Variants in ZC3H12D observed in about 807,000 individuals in gnomAD.
The protein encoded by ZC3H12D is zinc finger CCCH-type containing 12D.
Under a neutral mutation model 24.2 loss-of-function variants are expected in ZC3H12D, and 11 were observed. That is an observed-to-expected ratio of 0.46 (90% CI 0.29 to 0.75). ZC3H12D has a LOEUF of 0.75. Ranked by LOEUF, ZC3H12D falls within the 30% of genes least tolerant of loss-of-function variation. ZC3H12D has a pLI of 0.11. For synonymous variants in ZC3H12D, 333 were observed against 341.8 expected (o/e 0.97, Z 0.28); for missense variants, 740 against 767.7 (o/e 0.96, Z 0.43).
At chr6:149,463,895 C>T (rs116323976) in intron 2 of ZC3H12D, among the ~76,000 whole-genome samples, 44 of 152,274 alleles carry the variant, frequency 2.9e-4, no homozygotes, top group African/African-American at 9.9e-4. Context: ...TTCACTGACA[C>T]CAGGAATTCT....
chr6:149,463,632 C>T (rs1259259194), intron 2 of ZC3H12D, among the ~76,000 whole-genome samples: 1 of 152,196 alleles, frequency 6.6e-6, no homozygotes, highest in Non-Finnish European at 1.5e-5. Flanking sequence ...TTGCTCGAAC[C>T]TGGGAGGCGG....
chr6:149,461,734 T>C (rs1441402989), intron 3 of ZC3H12D, 97 bp downstream of exon 3: 1 of 1,344,128 alleles, frequency 7.4e-7, no homozygotes, highest in Admixed American at 2.4e-5. Flanking sequence ...CAAATATCAT[T>C]AAACAAACAA....
chr6:149,456,539 C>T lies in ZC3H12D; in HGVS notation c.680+127G>A. On this transcript the variant is annotated intron_variant, in intron 4 of 5. Coordinates refer to ENST00000409806, the MANE Select transcript of ZC3H12D (RefSeq NM_207360.3). This position sits in a 1 kb window ranked among gnomAD's most constrained non-coding sequence, Gnocchi z 4.3. ...CCGAGAATGCGGACCTGGGGGAGCT[C>T]TGTCTGAGGGGCTGGGTGACCGGGT... 1.3e-6 allele frequency: 1 copy of T among 787,028 alleles called. No homozygotes were observed. Among genetic ancestry groups the T allele is most frequent in the South Asian group, 1.7e-5 (1 of 57,714 alleles). The allele number at this position is 787,028 out of a possible 1,614,324, so 48.8% of individuals were successfully genotyped here. A position where few individuals can be genotyped will look rare whatever the true frequency, so the allele number is the denominator to read the frequency against.
intron 2 of ZC3H12D, among the ~76,000 whole-genome samples, chr6:149,467,662 C>A (rs1776182864): frequency 6.6e-6 from 1 of 152,162 alleles, no homozygotes. Flanking sequence ...ACCTTGTCCC[C>A]ATTTTACCCT....
chr6:149,468,170 G>A (rs190453645), intron 2 of ZC3H12D, among the ~76,000 whole-genome samples: 2,585 of 152,192 alleles, frequency 0.017, 29 homozygotes, highest in Non-Finnish European at 0.027. Context: ...TAGTAGAGAC[G>A]GGGTTTCTCC....
At chr6:149,469,667 C>T (rs1214988894) in intron 2 of ZC3H12D, among the ~76,000 whole-genome samples, 1 of 152,190 alleles carries the variant, frequency 6.6e-6, no homozygotes, top group East Asian at 1.9e-4. Context: ...CGGAAACACA[C>T]ACACAGCCCT....
chr6:149,458,364 A>G (rs1583185678), intron 3 of ZC3H12D, among the ~76,000 whole-genome samples: 1 of 151,580 alleles, frequency 6.6e-6, no homozygotes, highest in East Asian at 1.9e-4. Context: ...TCAAACTTCT[A>G]GACTCAAGCA....
At chr6:149,457,881 G>A (rs1023491143) in intron 3 of ZC3H12D, among the ~76,000 whole-genome samples, 1 of 152,038 alleles carries the variant, frequency 6.6e-6, no homozygotes, top group African/African-American at 2.4e-5. Context: ...CGTGCATAAT[G>A]CAGCTATGGT....
chr6:149,483,558 C>A (rs1776456403), intron 1 of ZC3H12D, among the ~76,000 whole-genome samples: 1 of 152,180 alleles, frequency 6.6e-6, no homozygotes, highest in Admixed American at 6.5e-5. Context: ...TTCTAGGCAG[C>A]TCTTAGGAGT....
At position 149,456,918 on chromosome 6, in the gene ZC3H12D, G is replaced by A. The variant is rs1775993586; in HGVS notation, c.446-18C>T. 1.3e-6 allele frequency: 2 copies of A among 1,588,480 alleles called. No individual in the cohort carries two copies. The highest frequency in any genetic ancestry group is 1.3e-5 in the African/African-American group (1 of 74,792). Reference sequence around the variant, plus strand: ...GTGCTGCTCTGAGGGCGGGGCGACGGAGACGCGGGTGAGGGCCCAAGGGCA... The same window carrying A: ...GTGCTGCTCTGAGGGCGGGGCGACGAAGACGCGGGTGAGGGCCCAAGGGCA... On this transcript the variant is annotated intron_variant, in intron 3 of 5. Coordinates refer to ENST00000409806, the MANE Select transcript of ZC3H12D (RefSeq NM_207360.3). This position sits in a 1 kb window ranked among gnomAD's most constrained non-coding sequence, Gnocchi z 4.3.
rs781441525 is a variant in ZC3H12D, at chr6:149,450,914, G to C, written c.1353C>G (p.Val451=). The stretch of plus-strand genomic sequence containing the variant: ...CGTCGCCCCAGGCCGGCTCCGCCCA[G>C]ACGGAGCGCCCAGGGAAGCGGTCGG... ...PRSDRFPGRS[V]WAEPAWGDGA... The change falls in exon 6 of 6, where the codon GTC becomes GTG. Residue 451 remains valine, a synonymous_variant. Transcript: ENST00000409806. 2.1e-5 allele frequency: 32 copies of C among 1,540,006 alleles called. No individual in the cohort carries two copies. Among genetic ancestry groups the C allele is most frequent in the Non-Finnish European group, 8.7e-6 (10 of 1,145,986 alleles).
At chr6:149,454,332 GT>G (rs1238916692) in intron 4 of ZC3H12D, among the ~76,000 whole-genome samples, 2 of 152,340 alleles carry the variant, frequency 1.3e-5, no homozygotes, top group East Asian at 3.9e-4. Flanking sequence ...CAAAGGTTCT[GT>G]AGAGAGGTTG....
In ZC3H12D at chr6:149,452,733, A is replaced by G; in HGVS notation, c.681-11T>C. The G allele has an allele frequency of 6.3e-7, 1 of 1,586,524 alleles. No individual in the cohort carries two copies. On this transcript the variant is annotated splice_polypyrimidine_tract_variant and intron_variant, in intron 4 of 5. Transcript: ENST00000409806. This position sits in a 1 kb window ranked among gnomAD's most constrained non-coding sequence, Gnocchi z 4.0. ...TCAGGCGGCATGAACCTGGAAAATA[A>G]GCACAGGGGCAACTGCAAGACCACC...
intron 2 of ZC3H12D, among the ~76,000 whole-genome samples, chr6:149,470,856 G>A (rs1373382928): frequency 2.0e-5 from 3 of 152,262 alleles, no homozygotes; most frequent in Non-Finnish European, 2.9e-5. Flanking sequence ...AACGTCACAC[G>A]TGGCAAGTGG....
At position 149,450,718 on chromosome 6, in the gene ZC3H12D, A is replaced by G. The variant is rs1247416505; in HGVS notation, c.1549T>C (p.Cys517Arg). Residue 517 changes from cysteine (C) to arginine (R), a missense_variant, in exon 6 of 6, where the codon TGC (cysteine) becomes CGC (arginine). Transcript: ENST00000409806. ...LARLILLVQR[C>R]QSAGAPLGKP ...CCCAGGGGCGCCCCCGCGCTCTGGC[A>G]TCTCTGTACCAGGAGGATGAGCCTG... The G allele has an allele frequency of 1.3e-6, 2 of 1,543,762 alleles. No individual in the cohort carries two copies.
chr6:149,458,547 T>C (rs1776025955), intron 3 of ZC3H12D, among the ~76,000 whole-genome samples: 1 of 152,214 alleles, frequency 6.6e-6, no homozygotes, highest in Non-Finnish European at 1.5e-5. Flanking sequence ...CGAGGTTTGG[T>C]TGTGCCATAT....
chr6:149,482,430 ACT>A (rs936871977), intron 1 of ZC3H12D, among the ~76,000 whole-genome samples: 2 of 152,102 alleles, frequency 1.3e-5, no homozygotes, highest in African/African-American at 2.4e-5. Flanking sequence ...TGGAAGTCAC[ACT>A]CTGTCCAGAT....
Position 149,456,909 on chromosome 6 carries a change from G to A in ZC3H12D, c.446-9C>T. 6.3e-7 allele frequency: 1 copy of A among 1,591,134 alleles called. No homozygotes were observed. Among genetic ancestry groups the A allele is most frequent in the African/African-American group, 1.3e-5 (1 of 74,822 alleles). ...CGCCAGCACGTGCTGCTCTGAGGGCGGGGCGACGGAGACGCGGGTGAGGGC... is the reference window on the plus strand; with the variant it reads ...CGCCAGCACGTGCTGCTCTGAGGGCAGGGCGACGGAGACGCGGGTGAGGGC... On this transcript the variant is annotated splice_polypyrimidine_tract_variant and intron_variant, in intron 3 of 5. Transcript: ENST00000409806. This position sits in a 1 kb window ranked among gnomAD's most constrained non-coding sequence, Gnocchi z 4.3.
intron 3 of ZC3H12D, among the ~76,000 whole-genome samples, chr6:149,460,417 C>T (rs1562473303): frequency 2.6e-5 from 4 of 152,202 alleles, no homozygotes; most frequent in African/African-American, 4.8e-5. Flanking sequence ...GTGTTCTGAC[C>T]GTGCCTGGTG....
Sources: allele counts gnomAD v4.1 joint callset (sites outside exome capture counted in the v4.1 genomes callset), GRCh38; gene constraint gnomAD v4.1.1; non-coding constraint Gnocchi (gnomAD v3.1); transcripts MANE v1.5; gene names NCBI Gene and HGNC (gene_info 2026-07-23, HGNC 2026-07-21).